The following ESRP1 variants were observed in gnomAD, a reference collection of about 807,000 sequenced individuals.
The protein encoded by ESRP1 is RNA-binding motif protein 35A.
A neutral mutation model predicts 81.7 loss-of-function variants in ESRP1; 33 were observed. The observed-to-expected ratio is 0.40, with a 90% CI of 0.31 to 0.54. The LOEUF (loss-of-function observed/expected upper bound fraction) is 0.54, where lower values mean the gene tolerates loss of function less well. Ranked by LOEUF, ESRP1 falls within the 20% of genes least tolerant of loss-of-function variation. The pLI is 0.41. For missense variants in ESRP1, 672 were observed against 833.1 expected, an observed-to-expected ratio of 0.81 and a Z score of 2.38; for synonymous variants, 320 against 303.3, an observed-to-expected ratio of 1.06 and a Z score of -0.57.
chr8:94,697,043 G>C, intron 15 of ESRP1, 82 bp downstream of exon 15: 3 of 893,886 alleles, frequency 3.4e-6, no homozygotes, highest in Non-Finnish European at 5.0e-6. Context: ...AATCAACTGA[G>C]AGAATCCTTC....
chr8:94,697,640 T>A (rs1290872259), intron 15 of ESRP1, among the ~76,000 whole-genome samples: 1 of 152,274 alleles, frequency 6.6e-6, no homozygotes, highest in Non-Finnish European at 1.5e-5. Flanking sequence ...CTATTGTGAA[T>A]GGTGCTGATG....
chr8:94,656,392 G>C (rs1249688224), intron 4 of ESRP1, among the ~76,000 whole-genome samples: 1 of 149,498 alleles, frequency 6.7e-6, no homozygotes, highest in Non-Finnish European at 1.5e-5. Flanking sequence ...CTAATTTTTT[G>C]TATTTTTTTA....
intron 9 of ESRP1, 122 bp from the exon 10 acceptor site, chr8:94,667,827 A>G (rs1819104489): frequency 1.4e-6 from 1 of 702,462 alleles, no homozygotes; most frequent in South Asian, 2.9e-5. Flanking sequence ...TTTTGCGTTC[A>G]GTAGGAGTAT....
intron 12 of ESRP1, among the ~76,000 whole-genome samples, chr8:94,677,193 A>T (rs1808681277): frequency 6.6e-6 from 1 of 152,220 alleles, no homozygotes; most frequent in Non-Finnish European, 1.5e-5. Flanking sequence ...CTCCATGGAA[A>T]TGTAGAAACT....
rs565944207 is a variant in ESRP1, at chr8:94,676,494, G to GT, written c.1652-1700dup. 8.2e-4 allele frequency among the ~76,000 whole-genome samples: 124 copies of GT among 150,982 alleles called. 1 individual carries two copies. The highest frequency in any genetic ancestry group is 6.8e-3 in the Middle Eastern group (2 of 294). ...ATGTGTGTGTGTTTATGCATGTGTG[G>GT]TTTTTTTTTGTTTTGTTTTGTTTTG... On this transcript the variant is annotated intron_variant, in intron 12 of 15. Coordinates refer to ENST00000433389, the MANE Select transcript of ESRP1 (RefSeq NM_017697.4).
chr8:94,668,788 C>CGTGTGTGT (rs771754492), intron 10 of ESRP1, among the ~76,000 whole-genome samples: 20,339 of 76,780 alleles, frequency 0.26, 1,753 homozygotes, highest in South Asian at 0.36. Flanking sequence ...TAGCTTTCAG[C>CGTGTGTGT]ATGTGTGTGT....
chr8:94,698,208 C>A (rs1365282903), intron 15 of ESRP1, among the ~76,000 whole-genome samples: 1 of 152,232 alleles, frequency 6.6e-6, no homozygotes, highest in Non-Finnish European at 1.5e-5. Flanking sequence ...AGCTCCAGAA[C>A]TTTCTCATTT....
chr8:94,649,270 C>T (rs1390771620), intron 4 of ESRP1, among the ~76,000 whole-genome samples: 1 of 152,206 alleles, frequency 6.6e-6, no homozygotes, highest in Non-Finnish European at 1.5e-5. Flanking sequence ...TTCTCTCAAA[C>T]TCCTGGCCTC....
At chr8:94,687,100 C>G (rs1809171350) in intron 13 of ESRP1, among the ~76,000 whole-genome samples, 1 of 152,132 alleles carries the variant, frequency 6.6e-6, no homozygotes, top group Non-Finnish European at 1.5e-5. Context: ...TATTATGTCA[C>G]TCCAAAAAGA....
intron 4 of ESRP1, among the ~76,000 whole-genome samples, chr8:94,661,827 G>T (rs915022470): frequency 6.6e-6 from 1 of 152,084 alleles, no homozygotes; most frequent in African/African-American, 2.4e-5. Context: ...TCAATAATCT[G>T]TGGTGTCCAT....
intron 13 of ESRP1, among the ~76,000 whole-genome samples, chr8:94,685,555 A>T (rs1039190216): frequency 6.6e-6 from 1 of 152,080 alleles, no homozygotes; most frequent in Non-Finnish European, 1.5e-5. Flanking sequence ...TAATCCCAGC[A>T]CTTTGGGAGG....
rs1817704177 is a variant in ESRP1 at position 94,643,327 on chromosome 8, C to A, written c.286C>A (p.Leu96Met). The change falls in exon 3 of 16, where the codon CTG (leucine) becomes ATG (methionine). Residue 96 changes from leucine to methionine, a missense_variant. By Grantham distance (15) the Leu-to-Met change is conservative (BLOSUM62 2). Transcript: ENST00000433389. The stretch of plus-strand genomic sequence containing the variant: ...GTTTAACCAGTCAGTGAGCAATGAA[C>A]TGAATATTGGAGTAGGGACTTCCTT... Reference protein sequence around the residue: ...RQFNQSVSNELNIGVGTSFCL... With the variant: ...RQFNQSVSNEMNIGVGTSFCL... 8 of 1,612,730 alleles carry A rather than the reference C, an allele frequency of 5.0e-6. No homozygotes were observed. The highest frequency in any genetic ancestry group is 6.8e-6 in the Non-Finnish European group (8 of 1,178,782).
chr8:94,668,788 C>CGTGTGTGTGT (rs771754492), intron 10 of ESRP1, among the ~76,000 whole-genome samples: 209 of 76,836 alleles, frequency 2.7e-3, no homozygotes, highest in South Asian at 4.8e-3. Flanking sequence ...TAGCTTTCAG[C>CGTGTGTGTGT]ATGTGTGTGT....
intron 7 of ESRP1, 53 bp from the exon 8 acceptor site, chr8:94,664,874 T>C: frequency 6.2e-7 from 1 of 1,609,442 alleles, no homozygotes; most frequent in Non-Finnish European, 8.5e-7. Context: ...CTATCTTTTT[T>C]TTCCTCACTG....
At chr8:94,646,046 C>A in intron 3 of ESRP1, 122 bp from the exon 4 acceptor site, 1 of 500,956 alleles carries the variant, frequency 2.0e-6, no homozygotes, top group Non-Finnish European at 3.5e-6. Context: ...TCTACTTTTA[C>A]ATTAAATTTT....
chr8:94,701,600 CTTTTTT>C (rs138221103), intron 15 of ESRP1, among the ~76,000 whole-genome samples: 2,105 of 149,050 alleles, frequency 0.014, 44 homozygotes, highest in African/African-American at 0.049. Flanking sequence ...TTTTCTTTTT[CTTTTTT>C]TTTTCTTTTT....
chr8:94,676,573 C>T (rs1191512857), intron 12 of ESRP1, among the ~76,000 whole-genome samples: 4 of 151,808 alleles, frequency 2.6e-5, no homozygotes, highest in African/African-American at 7.3e-5. Flanking sequence ...AGTCTTGGCT[C>T]GCTGCAACCT....
chr8:94,690,922 A>C (rs550080181), intron 13 of ESRP1, among the ~76,000 whole-genome samples: 1 of 152,320 alleles, frequency 6.6e-6, no homozygotes, highest in South Asian at 2.1e-4. Context: ...CTAGTTGTAC[A>C]GGAGGAAAGT....
chr8:94,681,569 G>A (rs1417542989), intron 13 of ESRP1, among the ~76,000 whole-genome samples: 1 of 152,052 alleles, frequency 6.6e-6, no homozygotes, highest in African/African-American at 2.4e-5. Context: ...CCCAGGAGAC[G>A]GAGGCTGTAG....
Sources: gnomAD v4.1 joint callset for allele counts (sites outside exome capture counted in the v4.1 genomes callset) on GRCh38, gnomAD v4.1.1 for gene constraint, MANE v1.5 for transcripts, NCBI Gene and HGNC (gene_info 2026-07-23, HGNC 2026-07-21) for gene names.